Variants in PLAC1 observed in about 807,000 individuals in gnomAD.
The protein encoded by PLAC1 is placenta associated 1, also known as placenta-specific protein 1.
For synonymous variants in PLAC1, 68 were observed against 62.1 expected, an observed-to-expected ratio of 1.09 and a Z score of -0.44; for missense variants, 136 against 163.2, an observed-to-expected ratio of 0.83 and a Z score of 0.91.
At chrX:134,705,000 T>TTATATATATATATATATTTA (rs2078598085) in intron 2 of PLAC1, among the ~76,000 whole-genome samples, 2 of 81,183 alleles carry the variant, frequency 2.5e-5, no homozygotes, top group African/African-American at 1.0e-4. Flanking sequence ...CTCAAAAAAA[T>TTATATATATATATATATTTA]TATATATATA....
chrX:134,637,703 C>T (rs1259108344), intron 1 of PLAC1, among the ~76,000 whole-genome samples: 1 of 111,317 alleles, frequency 9.0e-6, no homozygotes, highest in Non-Finnish European at 1.9e-5. Context: ...CAAAAATTAG[C>T]CGGGCATGGT....
intron 2 of PLAC1, among the ~76,000 whole-genome samples, chrX:134,685,811 A>G (rs2078515077): frequency 9.0e-6 from 1 of 111,347 alleles, no homozygotes; most frequent in Admixed American, 9.6e-5. Context: ...CTAAGGAGTC[A>G]TTTTGAGACA....
intron 2 of PLAC1, among the ~76,000 whole-genome samples, chrX:134,689,677 G>A (rs1307766384): frequency 9.8e-5 from 11 of 111,773 alleles, no homozygotes; most frequent in Admixed American, 9.5e-4. Context: ...TGTTGGGCAA[G>A]TCCCTGCCCT....
intron 2 of PLAC1, among the ~76,000 whole-genome samples, chrX:134,696,754 C>T (rs994336180): frequency 3.6e-5 from 4 of 111,273 alleles, no homozygotes; most frequent in East Asian, 5.6e-4. Flanking sequence ...TTTGGCCGGG[C>T]GCGGTGGCTC....
rs780143945 is a variant in PLAC1 at position 134,657,797 on chromosome X, C to T, written c.-131+531G>A. 4.0e-4 allele frequency among the ~76,000 whole-genome samples: 44 copies of T among 110,432 alleles called. No individual in the cohort carries two copies. In the South Asian group the frequency reaches 7.8e-3, roughly 20 times the overall value. The stretch of plus-strand genomic sequence containing the variant: ...TGTCTCTTTCTCAAAGAGTCTGAAA[C>T]TGATCATCTGGGTTAATAGGAACAC... On this transcript the variant is annotated intron_variant, in intron 1 of 2. Transcript: ENST00000359237.
intron 2 of PLAC1, among the ~76,000 whole-genome samples, chrX:134,725,590 A>G (rs1310287658): frequency 8.9e-6 from 1 of 112,218 alleles, no homozygotes; most frequent in Non-Finnish European, 1.9e-5. Context: ...ACTGATATAT[A>G]GATTCTGCAC....
At chrX:134,672,162 C>G (rs781752379) in intron 2 of PLAC1, among the ~76,000 whole-genome samples, 2 of 112,067 alleles carry the variant, frequency 1.8e-5, no homozygotes, top group East Asian at 5.6e-4. Context: ...GAGTGTGAAA[C>G]CATCTCTGGT....
chrX:134,710,638 A>G lies in PLAC1; in HGVS notation n.174+22797T>C, dbSNP rs183902610. ...GTACTATAGGTTACTGTTCAGCAGT[A>G]AGAATGAACTAGACCAATAGGCACC... On this transcript the variant is annotated intron_variant and non_coding_transcript_variant, in intron 2 of 2. Coordinates refer to the PLAC1 transcript ENST00000466797. Among the ~76,000 whole-genome samples, 269 of 111,912 alleles carry G rather than the reference A, an allele frequency of 2.4e-3. 5 individuals carry two copies. Among genetic ancestry groups the G allele is most frequent in the Admixed American group, 0.02 (213 of 10,485 alleles).
intron 2 of PLAC1, among the ~76,000 whole-genome samples, chrX:134,710,379 G>C (rs1434684528): frequency 8.9e-6 from 1 of 111,770 alleles, no homozygotes; most frequent in African/African-American, 3.2e-5. Flanking sequence ...ACTGTTACTC[G>C]GTAGAGCCAC....
At chrX:134,678,493 G>A (rs56164326) in intron 2 of PLAC1, among the ~76,000 whole-genome samples, 2,948 of 111,490 alleles carry the variant, frequency 0.026, 37 homozygotes, top group South Asian at 0.045. Flanking sequence ...TTCCCTGAGC[G>A]CCCTATCAAA....
chrX:134,659,904 A>C (rs2078409568), upstream of PLAC1, among the ~76,000 whole-genome samples: 1 of 111,483 alleles, frequency 9.0e-6, no homozygotes, highest in Admixed American at 9.6e-5. Flanking sequence ...CCAGAATTCA[A>C]ACCCAGGTGG....
chrX:134,567,016 T>C, intron 2 of PLAC1, among the ~76,000 whole-genome samples: 1 of 112,337 alleles, frequency 8.9e-6, no homozygotes, highest in East Asian at 2.8e-4. Context: ...GTGGCATCCT[T>C]TTGTGTTTAA....
chrX:134,580,989 A>G (rs2077971319), intron 2 of PLAC1, among the ~76,000 whole-genome samples: 1 of 112,179 alleles, frequency 8.9e-6, no homozygotes, highest in African/African-American at 3.2e-5. Context: ...TCCTGAATGG[A>G]AAAAGGGTAC....
intron 2 of PLAC1, among the ~76,000 whole-genome samples, chrX:134,584,629 C>A (rs2077990640): frequency 9.0e-6 from 1 of 110,892 alleles, no homozygotes; most frequent in African/African-American, 3.3e-5. Flanking sequence ...TTCATAAGCT[C>A]AACTTCTGTT....
intron 2 of PLAC1, among the ~76,000 whole-genome samples, chrX:134,576,563 C>G (rs2077940649): frequency 1.8e-5 from 2 of 109,925 alleles, no homozygotes; most frequent in South Asian, 7.8e-4. Context: ...ATTGTGTCCT[C>G]CCAAAAAGAT....
intron 2 of PLAC1, 112 bp downstream of exon 2, chrX:134,601,939 C>A (rs1410435458): frequency 8.9e-6 from 1 of 112,252 alleles, no homozygotes; most frequent in East Asian, 2.8e-4. Context: ...AAAAAATCAA[C>A]AATCACAACT....
At position 134,623,281 on chromosome X, in the gene PLAC1, C is replaced by T. The variant is rs777012773; in HGVS notation, c.-130-21159G>A. ...TTCCAGAGCAGATACAAGTTGTTCT[C>T]ACAAAAGTTGTCCTAGACCACAAAG... On this transcript the variant is annotated intron_variant, in intron 1 of 2. Coordinates refer to ENST00000359237, the MANE Select transcript of PLAC1 (RefSeq NM_021796.4). Among the ~76,000 whole-genome samples the T allele has an allele frequency of 5.0e-4, 56 of 112,172 alleles. 1 individual carries two copies. The highest frequency in any genetic ancestry group is 1.7e-3 in the African/African-American group (53 of 30,875).
At chrX:134,603,367 T>G (rs1183658080) in intron 1 of PLAC1, among the ~76,000 whole-genome samples, 3 of 78,154 alleles carry the variant, frequency 3.8e-5, no homozygotes, top group Admixed American at 3.1e-4. Context: ...AGACAGAGTC[T>G]TGCTCTGTCA....
intron 1 of PLAC1, among the ~76,000 whole-genome samples, chrX:134,752,696 G>A (rs1226552502): frequency 1.8e-5 from 2 of 111,155 alleles, no homozygotes; most frequent in African/African-American, 6.6e-5. Context: ...AAGACTACCA[G>A]GCCCTGACAA....
Sources: allele counts gnomAD v4.1 joint callset (sites outside exome capture counted in the v4.1 genomes callset), GRCh38; gene constraint gnomAD v4.1.1; transcripts MANE v1.5; gene names NCBI Gene and HGNC (gene_info 2026-07-23, HGNC 2026-07-21).